SMR3B: variants seen among roughly 807,000 people sequenced by gnomAD.
SMR3B encodes the protein submaxillary gland androgen-regulated protein 3B.
For missense variants in SMR3B, 114 were observed against 99.9 expected (o/e 1.14, Z -0.60); for synonymous variants, 42 against 36.1 (o/e 1.16, Z -0.59).
intron 2 of SMR3B, among the ~76,000 whole-genome samples, chr4:70,387,318 G>A (rs1328026030): frequency 6.6e-6 from 1 of 152,168 alleles, no homozygotes; most frequent in Non-Finnish European, 1.5e-5. Context: ...AGTAATTTGG[G>A]TAAAAACAAA....
At chr4:70,388,866 A>T (rs1732710607) in intron 2 of SMR3B, among the ~76,000 whole-genome samples, 1 of 152,096 alleles carries the variant, frequency 6.6e-6, no homozygotes, top group Non-Finnish European at 1.5e-5. Context: ...AATTAGACAT[A>T]ATAAGACATT....
intron 2 of SMR3B, among the ~76,000 whole-genome samples, chr4:70,388,958 T>C (rs897847484): frequency 2.0e-5 from 3 of 152,188 alleles, no homozygotes; most frequent in Admixed American, 2.0e-4. Context: ...GATAAGATTT[T>C]TGCTCATTAT....
At chr4:70,385,398 G>GTTTTTT (rs71210170) in intron 2 of SMR3B, among the ~76,000 whole-genome samples, 1 of 107,052 alleles carries the variant, frequency 9.3e-6, no homozygotes, top group African/African-American at 3.8e-5. Flanking sequence ...CATCTACTTT[G>GTTTTTT]TTTTTTTTTT....
intron 2 of SMR3B, among the ~76,000 whole-genome samples, chr4:70,389,054 A>G (rs186970317): frequency 6.6e-6 from 1 of 152,290 alleles, no homozygotes; most frequent in East Asian, 1.9e-4. Context: ...TTTCTTTGAT[A>G]ATAGACTTTC....
At chr4:70,386,350 C>T (rs1422374448) in intron 2 of SMR3B, among the ~76,000 whole-genome samples, 1 of 151,522 alleles carries the variant, frequency 6.6e-6, no homozygotes, top group Non-Finnish European at 1.5e-5. Flanking sequence ...AACCTTTCCC[C>T]AACTTAATTA....
chr4:70,389,365 G>A (rs1732718827), intron 2 of SMR3B, among the ~76,000 whole-genome samples: 1 of 152,042 alleles, frequency 6.6e-6, no homozygotes, highest in African/African-American at 2.4e-5. Flanking sequence ...GGCCACTCTC[G>A]GCTGCTATAG....
chr4:70,389,812 T>G lies in SMR3B; in HGVS notation c.204T>G (p.Gly68=). 3.1e-6 allele frequency: 5 copies of G among 1,613,724 alleles called. No individual in the cohort carries two copies. In the South Asian group the frequency reaches 5.5e-5, roughly 18 times the overall value. The change falls in exon 3 of 3, where the codon GGT becomes GGG. Residue 68 remains glycine (G), a synonymous_variant. Transcript: ENST00000304915. Reference sequence around the variant, plus strand: ...CACCTCCTCCTCCCGCACCCTATGGTCCAGGGATATTTCCACCACCCCCTC... The same window carrying G: ...CACCTCCTCCTCCCGCACCCTATGGGCCAGGGATATTTCCACCACCCCCTC... ...RIPPPPPAPY[G]PGIFPPPPPQ...
chr4:70,388,896 A>G (rs544891544), intron 2 of SMR3B, among the ~76,000 whole-genome samples: 2 of 152,198 alleles, frequency 1.3e-5, no homozygotes, highest in Non-Finnish European at 2.9e-5. Context: ...CTGGAAGGGC[A>G]TTTATTTCCA....
rs544070805 is a variant in SMR3B, at chr4:70,389,682, G to T, written c.74G>T (p.Gly25Val). 23 of 1,613,792 alleles carry T rather than the reference G, an allele frequency of 1.4e-5. No individual in the cohort carries two copies. The highest frequency in any genetic ancestry group is 1.6e-4 in the Middle Eastern group (1 of 6,080). The change falls in exon 3 of 3, where the codon GGC becomes GTC. Residue 25 changes from glycine (G) to valine (V), a missense_variant. Transcript: ENST00000304915. ...ACFTPGESQR[G>V]PRGPYPPGPL... is the part of the protein sequence containing the mutation. ...CCACAGCCTGGTGAGAGTCAAAGAG[G>T]CCCCAGGGGACCATATCCACCTGGA...
At chr4:70,387,686 A>G (rs536392591) in intron 2 of SMR3B, among the ~76,000 whole-genome samples, 3 of 152,132 alleles carry the variant, frequency 2.0e-5, no homozygotes, top group Non-Finnish European at 4.4e-5. Context: ...TATCTTGGTG[A>G]AGCAGGAGAA....
At chr4:70,387,782 C>T (rs1476709662) in intron 2 of SMR3B, among the ~76,000 whole-genome samples, 1 of 151,986 alleles carries the variant, frequency 6.6e-6, no homozygotes, top group African/African-American at 2.4e-5. Context: ...AATTACAGGC[C>T]TCTGGGGAAG....
chr4:70,389,090 A>G (rs996433387), intron 2 of SMR3B, among the ~76,000 whole-genome samples: 2 of 152,180 alleles, frequency 1.3e-5, no homozygotes, highest in Admixed American at 1.3e-4. Flanking sequence ...GATACAATGT[A>G]ATGGTTTTCT....
At chr4:70,388,928 A>C (rs1732711224) in intron 2 of SMR3B, among the ~76,000 whole-genome samples, 1 of 152,222 alleles carries the variant, frequency 6.6e-6, no homozygotes, top group Non-Finnish European at 1.5e-5. Flanking sequence ...CTTAAATGAC[A>C]GATTCGACTA....
chr4:70,389,835 C>T lies in SMR3B; in HGVS notation c.227C>T (p.Pro76Leu), dbSNP rs1339911367. ...GGTCCAGGGATATTTCCACCACCCC[C>T]TCCTCAACCCTAAGGTCCACCACTC... ...PYGPGIFPPP[P>L]PQP Residue 76 changes from proline (P) to leucine (L), a missense_variant, in exon 3 of 3, where the codon CCT becomes CTT. Transcript: ENST00000304915. 3 of 1,613,826 alleles carry T rather than the reference C, an allele frequency of 1.9e-6. No individual in the cohort carries two copies. Among genetic ancestry groups the T allele is most frequent in the Non-Finnish European group, 2.5e-6 (3 of 1,179,876 alleles).
chr4:70,384,677 TCA>T, intron 2 of SMR3B, 113 bp downstream of exon 2: 2 of 1,556,514 alleles, frequency 1.3e-6, no homozygotes, highest in Non-Finnish European at 1.7e-6. Context: ...TAACTATTAA[TCA>T]TCAATGAAAC....
Position 70,390,051 on chromosome 4 carries a change from C to T in SMR3B, c.*203C>T. On this transcript the variant is annotated 3_prime_UTR_variant, in exon 3 of 3. Transcript: ENST00000304915. ...ACTACCCTTGTAACTACTGCTTCTA[C>T]TACCCAAAATATGAATTCCAACACT... 2 of 989,230 alleles carry T rather than the reference C, an allele frequency of 2.0e-6. No individual in the cohort carries two copies. The highest frequency in any genetic ancestry group is 3.2e-6 in the Non-Finnish European group (2 of 619,578). 61.3% of individuals were successfully genotyped at this position (989,230 alleles called of 1,614,324 possible). A position where few individuals can be genotyped will look rare whatever the true frequency, so the allele number is the denominator to read the frequency against.
At chr4:70,384,469 A>G (rs1401691045) in intron 1 of SMR3B, 28 bp from the exon 2 acceptor site, 2 of 1,589,350 alleles carry the variant, frequency 1.3e-6, no homozygotes, top group South Asian at 2.3e-5. Flanking sequence ...AAACAATCAT[A>G]CTGATCACCT....
chr4:70,385,559 A>G lies in SMR3B; in HGVS notation c.54+995A>G, dbSNP rs530675641. On this transcript the variant is annotated intron_variant, in intron 2 of 2. Coordinates refer to ENST00000304915, the MANE Select transcript of SMR3B (RefSeq NM_006685.4). ...GCTGGGACTACAGGCGCCCGCCACC[A>G]CGGCCGGCTAATTTTTTTGTATTTT... is the stretch of plus-strand genomic sequence containing the variant. Among the ~76,000 whole-genome samples the G allele has an allele frequency of 8.4e-3, 1,271 of 152,000 alleles. 19 individuals carry two copies. The highest frequency in any genetic ancestry group is 0.029 in the African/African-American group (1,211 of 41,458).
At chr4:70,384,846 G>A in intron 2 of SMR3B, 1 of 330,554 alleles carries the variant, frequency 3.0e-6, no homozygotes, top group South Asian at 7.6e-5. Context: ...TTACACAGTA[G>A]GTAAAACTCT....
Sources: gnomAD v4.1 joint callset for allele counts (sites outside exome capture counted in the v4.1 genomes callset) on GRCh38, gnomAD v4.1.1 for gene constraint, MANE v1.5 for transcripts, NCBI Gene and HGNC (gene_info 2026-07-23, HGNC 2026-07-21) for gene names.